The following BCAS3 variants were observed in gnomAD, a reference collection of about 807,000 sequenced individuals.
BCAS3 encodes the protein BCAS4/BCAS3 fusion.
Under a neutral mutation model 116.1 loss-of-function variants are expected in BCAS3, and 53 were observed. That is an observed-to-expected ratio of 0.46 (90% CI 0.37 to 0.57). BCAS3 has a LOEUF of 0.57. BCAS3 is among the 20% of genes least tolerant of loss of function. BCAS3 has a pLI of 0.00. For missense variants in BCAS3, 917 were observed against 1,165.4 expected, an observed-to-expected ratio of 0.79 and a Z score of 3.10; for synonymous variants, 391 against 408.2, an observed-to-expected ratio of 0.96 and a Z score of 0.51.
rs2051206909 is a variant in BCAS3, at chr17:61,281,132, CTT to C, written c.2426-87193_2426-87192del. ...GAAAAAATACACTACTATGCACACT[CTT>C]TCCATATATCAATACATCTTGGAGA... On this transcript the variant is annotated intron_variant, in intron 22 of 23. Transcript: ENST00000407086. This position sits in a 1 kb window ranked among gnomAD's most constrained non-coding sequence, Gnocchi z 4.2. 6.6e-6 allele frequency among the ~76,000 whole-genome samples: 1 copy of C among 152,210 alleles called. No homozygotes were observed.
rs575648026 is a variant in BCAS3, at chr17:61,358,620, G to A, written c.2426-9707G>A. 6.6e-5 allele frequency among the ~76,000 whole-genome samples: 10 copies of A among 150,746 alleles called. No homozygotes were observed. The East Asian group carries it at 1.2e-3, about 18-fold the overall frequency. The stretch of plus-strand genomic sequence containing the variant: ...GGGTTCAAGTGATTCTCCTGCCTCA[G>A]CCTCCTGAGTAGCTGGGATTACAGG... On this transcript the variant is annotated intron_variant, in intron 22 of 23. Coordinates refer to ENST00000407086, the MANE Select transcript of BCAS3 (RefSeq NM_017679.5).
At chr17:60,896,657 G>T (rs2057531561) in intron 10 of BCAS3, among the ~76,000 whole-genome samples, 2 of 147,690 alleles carry the variant, frequency 1.4e-5, no homozygotes, top group African/African-American at 2.6e-5. Context: ...GTTCACTTTT[G>T]GTTTCCATTT....
intron 22 of BCAS3, among the ~76,000 whole-genome samples, chr17:61,150,715 T>TA (rs1402763285): frequency 6.6e-6 from 1 of 152,234 alleles, no homozygotes; most frequent in African/African-American, 2.4e-5. Context: ...GCTGGTATGT[T>TA]AGAGTTAGGA....
intron 22 of BCAS3, among the ~76,000 whole-genome samples, chr17:61,116,830 G>A (rs887557221): frequency 1.5e-4 from 23 of 152,140 alleles, no homozygotes; most frequent in South Asian, 2.1e-4. Flanking sequence ...TTGAGCCTCC[G>A]TGTTTTCTGA....
intron 6 of BCAS3, among the ~76,000 whole-genome samples, chr17:60,757,325 TAATAATAAATAAATA>T (rs760184441): frequency 2.1e-5 from 3 of 142,986 alleles, no homozygotes; most frequent in Non-Finnish European, 4.5e-5. Flanking sequence ...AAAAAAATAA[TAATAATAAATAAATA>T]AATAAATAAA....
chr17:60,768,814 G>A (rs1006733408), intron 6 of BCAS3, among the ~76,000 whole-genome samples: 7 of 152,158 alleles, frequency 4.6e-5, no homozygotes, highest in Non-Finnish European at 1.0e-4. Flanking sequence ...CAGTGTCAGC[G>A]GGCCTAGGTG....
chr17:61,147,485 AGTGCTGGGATTACAG>A, intron 22 of BCAS3, among the ~76,000 whole-genome samples: 1 of 152,270 alleles, frequency 6.6e-6, no homozygotes, highest in East Asian at 1.9e-4. Context: ...GGCCTCCAAA[AGTGCTGGGATTACAG>A]GTGTGCACCA....
intron 4 of BCAS3, among the ~76,000 whole-genome samples, chr17:60,694,126 T>TCTGC (rs2035255201): frequency 6.6e-6 from 1 of 150,960 alleles, no homozygotes; most frequent in African/African-American, 2.4e-5. Flanking sequence ...GACCTCATGA[T>TCTGC]CTGCCCGCTT....
rs937108162 is a variant in BCAS3, at chr17:61,012,432, C to T, written c.1487-3319C>T. On this transcript the variant is annotated intron_variant, in intron 15 of 23. Transcript: ENST00000407086. The surrounding 1 kb of genome is among the most constrained non-coding windows in gnomAD (Gnocchi z 4.5). ...GCTTATGGCTTACAATCTGACTTTTCCACCTCACTGCTGAAACTACCCTAC... is the reference window on the plus strand; with the variant it reads ...GCTTATGGCTTACAATCTGACTTTTTCACCTCACTGCTGAAACTACCCTAC... 1.3e-5 allele frequency among the ~76,000 whole-genome samples: 2 copies of T among 152,046 alleles called. No homozygotes were observed. The highest frequency in any genetic ancestry group is 2.9e-5 in the Non-Finnish European group (2 of 67,938).
At chr17:61,178,623 A>G (rs1279458884) in intron 22 of BCAS3, among the ~76,000 whole-genome samples, 1 of 152,182 alleles carries the variant, frequency 6.6e-6, no homozygotes, top group Non-Finnish European at 1.5e-5. Context: ...TTGTTATCTA[A>G]TTCATTTAAC....
At position 61,087,131 on chromosome 17, in the gene BCAS3, G is replaced by A. The variant is rs1601123439; in HGVS notation, c.2425+2567G>A. 1.0e-6 allele frequency: 1 copy of A among 985,140 alleles called. No individual in the cohort carries two copies. The highest frequency in any genetic ancestry group is 1.2e-6 in the Non-Finnish European group (1 of 829,732). The allele number at this position is 985,140 out of a possible 1,614,324, so 61.0% of individuals were successfully genotyped here. On this transcript the variant is annotated intron_variant, in intron 22 of 23. Transcript: ENST00000407086. This position sits in a 1 kb window ranked among gnomAD's most constrained non-coding sequence, Gnocchi z 4.6. ...AAGAATCTAATAAATTTTTATAATT[G>A]CTCTTGAACCGGGAAGTGCACCTCT...
intron 22 of BCAS3, among the ~76,000 whole-genome samples, chr17:61,137,138 A>G (rs1349433693): frequency 6.6e-6 from 1 of 152,130 alleles, no homozygotes; most frequent in Non-Finnish European, 1.5e-5. Flanking sequence ...ATTGATGCCA[A>G]ATATATATAT....
At chr17:60,746,192 C>T (rs906110724) in intron 5 of BCAS3, among the ~76,000 whole-genome samples, 2 of 152,070 alleles carry the variant, frequency 1.3e-5, no homozygotes, top group Admixed American at 6.6e-5. Context: ...TCATCAAACA[C>T]TAGGCAATTA....
chr17:61,375,411 G>C (rs1265990647), intron 23 of BCAS3, among the ~76,000 whole-genome samples: 4 of 151,932 alleles, frequency 2.6e-5, no homozygotes, highest in Non-Finnish European at 5.9e-5. Flanking sequence ...CTCTTCCAAA[G>C]GGCCTTGGAA....
At chr17:60,973,581 TTATTAA>T (rs1038795166) in intron 14 of BCAS3, among the ~76,000 whole-genome samples, 1 of 134,888 alleles carries the variant, frequency 7.4e-6, no homozygotes, top group African/African-American at 3.6e-5. Flanking sequence ...TATTACCTTA[TTATTAA>T]TATATATATA....
At chr17:60,744,493 T>G (rs2041867681) in intron 5 of BCAS3, among the ~76,000 whole-genome samples, 1 of 152,216 alleles carries the variant, frequency 6.6e-6, no homozygotes, top group Non-Finnish European at 1.5e-5. Flanking sequence ...GTATAAACCT[T>G]AACTCTGTTT....
rs546983663 is a variant in BCAS3, at chr17:61,241,611, C to T, written c.2426-126716C>T. ...GCGGGTGCCTGTAGTCCCAGCTACT[C>T]GGGAGGATGAGGCAGGAAAATGGCG... On this transcript the variant is annotated intron_variant, in intron 22 of 23. Coordinates refer to ENST00000407086, the MANE Select transcript of BCAS3 (RefSeq NM_017679.5). The surrounding 1 kb of genome is among the most constrained non-coding windows in gnomAD (Gnocchi z 4.6). Among the ~76,000 whole-genome samples, 4 of 151,690 alleles carry T rather than the reference C, an allele frequency of 2.6e-5. No homozygotes were observed. The highest frequency in any genetic ancestry group is 7.3e-5 in the African/African-American group (3 of 41,368).
chr17:60,754,966 T>TA (rs370002216), intron 6 of BCAS3, among the ~76,000 whole-genome samples: 8 of 152,250 alleles, frequency 5.3e-5, no homozygotes, highest in African/African-American at 1.9e-4. Flanking sequence ...ATTGAGGTCT[T>TA]ACTACTTGTG....
intron 22 of BCAS3, among the ~76,000 whole-genome samples, chr17:61,308,370 C>A (rs2054020617): frequency 6.7e-6 from 1 of 150,210 alleles, no homozygotes; most frequent in Non-Finnish European, 1.5e-5. Context: ...CATCCCACTC[C>A]CACCCCATCC....
Sources: allele counts gnomAD v4.1 joint callset (sites outside exome capture counted in the v4.1 genomes callset), GRCh38; gene constraint gnomAD v4.1.1; non-coding constraint Gnocchi (gnomAD v3.1); transcripts MANE v1.5; gene names NCBI Gene and HGNC (gene_info 2026-07-23, HGNC 2026-07-21).